The following RCOR1 variants were observed in gnomAD, a reference collection of about 807,000 sequenced individuals.
The protein encoded by RCOR1 is REST corepressor.
Under a neutral mutation model 64.0 loss-of-function variants are expected in RCOR1, and 12 were observed. That is an observed-to-expected ratio of 0.19 (90% CI 0.12 to 0.30). The LOEUF is 0.30. RCOR1 is among the 10% of genes least tolerant of loss of function. RCOR1 has a pLI of 1.00. For missense variants in RCOR1, 502 were observed against 621.2 expected, an observed-to-expected ratio of 0.81 and a Z score of 2.04; for synonymous variants, 279 against 227.2, an observed-to-expected ratio of 1.23 and a Z score of -2.05.
chr14:102,618,512 G>T (rs1443737749), intron 2 of RCOR1, among the ~76,000 whole-genome samples: 1 of 152,090 alleles, frequency 6.6e-6, no homozygotes, highest in East Asian at 1.9e-4. Context: ...GGAGGATGAG[G>T]TGAGAGGATC....
rs1007949556 is a variant in RCOR1 at position 102,620,515 on chromosome 14, C to A, written c.361+27190C>A. The stretch of plus-strand genomic sequence containing the variant: ...CCGGGAGGCAGAGGTTGTGGTGAGC[C>A]GAGATCGTGCCGTTGTACTTCAGCA... On this transcript the variant is annotated intron_variant, in intron 2 of 11. Transcript: ENST00000262241. Among the ~76,000 whole-genome samples the A allele has an allele frequency of 2.6e-5, 4 of 152,090 alleles. No individual in the cohort carries two copies. The East Asian group carries it at 7.7e-4, about 29-fold the overall frequency.
At chr14:102,724,613 A>G (rs991605795) in intron 11 of RCOR1, among the ~76,000 whole-genome samples, 1 of 152,164 alleles carries the variant, frequency 6.6e-6, no homozygotes, top group South Asian at 2.1e-4. Context: ...GATTACAGGC[A>G]TGAGCCACCG....
chr14:102,594,805 C>T (rs1893209835), intron 2 of RCOR1, among the ~76,000 whole-genome samples: 1 of 152,038 alleles, frequency 6.6e-6, no homozygotes, highest in South Asian at 2.1e-4. Context: ...TTACAGTTGA[C>T]CCTGTCTTCA....
intron 8 of RCOR1, among the ~76,000 whole-genome samples, chr14:102,719,563 T>C (rs190402662): frequency 6.6e-6 from 1 of 152,306 alleles, no homozygotes; most frequent in African/African-American, 2.4e-5. Flanking sequence ...TCCATGTCCT[T>C]ACAAAGGACA....
chr14:102,707,610 T>C, intron 5 of RCOR1, 98 bp downstream of exon 5: 1 of 1,035,808 alleles, frequency 9.7e-7, no homozygotes, highest in Non-Finnish European at 1.4e-6. Flanking sequence ...AACATAAATA[T>C]TCCCATTTTT....
chr14:102,688,440 A>T (rs74082501), intron 3 of RCOR1, among the ~76,000 whole-genome samples: 4,211 of 152,236 alleles, frequency 0.028, 203 homozygotes, highest in African/African-American at 0.097. Flanking sequence ...GCTAGAACTG[A>T]TATGATTTAC....
intron 8 of RCOR1, among the ~76,000 whole-genome samples, chr14:102,719,332 A>C (rs924084112): frequency 1.3e-5 from 2 of 152,076 alleles, no homozygotes; most frequent in Non-Finnish European, 2.9e-5. Flanking sequence ...TGCATGTGCC[A>C]TGTTGGTGTG....
At chr14:102,687,868 G>A (rs1423386796) in intron 3 of RCOR1, among the ~76,000 whole-genome samples, 1 of 152,084 alleles carries the variant, frequency 6.6e-6, no homozygotes, top group Non-Finnish European at 1.5e-5. Context: ...GTTGAAGATG[G>A]TTGACATTTG....
Position 102,593,064 on chromosome 14 carries a change from TCAGCCGCCGCCGCCC to T in RCOR1, c.180_194del (p.Ala61_Pro65del). On this transcript the variant is annotated inframe_deletion, in exon 1 of 12. Coordinates refer to ENST00000262241, the MANE Select transcript of RCOR1 (RefSeq NM_015156.4). ...CTCCTCAGCCTCGGCCGCCGCCGCCTCAGCCGCCGCCGCCCCCAATAATGGCCAGAATAAAAGTTT... is the reference window on the plus strand; with the variant it reads ...CTCCTCAGCCTCGGCCGCCGCCGCCTCCAATAATGGCCAGAATAAAAGTTT... 7.1e-7 allele frequency: 1 copy of T among 1,403,662 alleles called. No individual in the cohort carries two copies. The highest frequency in any genetic ancestry group is 9.3e-7 in the Non-Finnish European group (1 of 1,071,734). 87.0% of individuals were successfully genotyped at this position (1,403,662 alleles called of 1,614,324 possible). A position where few individuals can be genotyped will look rare whatever the true frequency, so the allele number is the denominator to read the frequency against.
intron 2 of RCOR1, among the ~76,000 whole-genome samples, chr14:102,609,497 T>C (rs1273690211): frequency 6.6e-6 from 1 of 152,156 alleles, no homozygotes; most frequent in African/African-American, 2.4e-5. Flanking sequence ...TGGAGTGCAT[T>C]GGTGCGATCT....
chr14:102,599,059 T>C (rs1483588310), intron 2 of RCOR1, among the ~76,000 whole-genome samples: 1 of 152,194 alleles, frequency 6.6e-6, no homozygotes, highest in East Asian at 1.9e-4. Flanking sequence ...TTATCTATCC[T>C]ACCTCTGGTT....
At chr14:102,711,064 T>G (rs968506622) in intron 7 of RCOR1, 51 bp downstream of exon 7, 1 of 1,208,284 alleles carries the variant, frequency 8.3e-7, no homozygotes, top group Non-Finnish European at 1.2e-6. Context: ...ATTACTAGTT[T>G]CATAAATAAA....
At chr14:102,621,839 C>T (rs1349092611) in intron 2 of RCOR1, among the ~76,000 whole-genome samples, 1 of 152,088 alleles carries the variant, frequency 6.6e-6, no homozygotes, top group Non-Finnish European at 1.5e-5. Flanking sequence ...AGATAGATCT[C>T]AGTTGGTCTC....
chr14:102,696,342 C>CT (rs1329675764), intron 3 of RCOR1, among the ~76,000 whole-genome samples: 1 of 152,182 alleles, frequency 6.6e-6, no homozygotes, highest in African/African-American at 2.4e-5. Flanking sequence ...CACATTCTGT[C>CT]TTTAAGTGAT....
intron 3 of RCOR1, among the ~76,000 whole-genome samples, chr14:102,697,622 CA>C (rs1895675035): frequency 6.6e-6 from 1 of 151,716 alleles, no homozygotes; most frequent in Admixed American, 6.6e-5. Context: ...ACCTTCCGAG[CA>C]CCTAGTAGAC....
intron 2 of RCOR1, among the ~76,000 whole-genome samples, chr14:102,599,740 T>C (rs1893344967): frequency 6.6e-6 from 1 of 152,180 alleles, no homozygotes; most frequent in East Asian, 1.9e-4. Flanking sequence ...TTCTATGTTC[T>C]GCTTTTTTTA....
At chr14:102,677,294 A>C (rs1393678903) in intron 2 of RCOR1, among the ~76,000 whole-genome samples, 2 of 70,098 alleles carry the variant, frequency 2.9e-5, no homozygotes, top group Non-Finnish European at 5.3e-5. Flanking sequence ...CGGGCAAAGG[A>C]GCCCCTCACC....
intron 2 of RCOR1, among the ~76,000 whole-genome samples, chr14:102,601,913 C>T (rs944909175): frequency 6.6e-6 from 1 of 152,152 alleles, no homozygotes; most frequent in Non-Finnish European, 1.5e-5. Context: ...AATTCCAGCA[C>T]TTTGGGAGGG....
At position 102,672,402 on chromosome 14, in the gene RCOR1, C is replaced by T. The variant is rs374016375; in HGVS notation, c.362-9493C>T. ...TTTTTTTTTGTATTTTTAGTAGAGA[C>T]GGGGTTTCACCATGTTAGCCAGGAT... On this transcript the variant is annotated intron_variant, in intron 2 of 11. Transcript: ENST00000262241. Among the ~76,000 whole-genome samples the T allele has an allele frequency of 9.9e-5, 15 of 151,942 alleles. No homozygotes were observed. In the East Asian group the frequency reaches 2.1e-3, roughly 22 times the overall value.
Sources: allele counts gnomAD v4.1 joint callset (sites outside exome capture counted in the v4.1 genomes callset), GRCh38; gene constraint gnomAD v4.1.1; transcripts MANE v1.5; gene names NCBI Gene and HGNC (gene_info 2026-07-23, HGNC 2026-07-21).